Variants in OR13A1 observed in about 807,000 individuals in gnomAD.
The protein encoded by OR13A1 is olfactory receptor family 13 subfamily A member 1, also known as olfactory receptor 13A1.
A neutral mutation model predicts 7.5 loss-of-function variants in OR13A1; 10 were observed. The ratio of observed to expected loss-of-function variants is 1.34; its 90% CI spans 0.83 to 2.27. The LOEUF (loss-of-function observed/expected upper bound fraction) is 2.27. Among genes scored for constraint, OR13A1 ranks in the 30% most tolerant of loss-of-function variants. The pLI, the probability that OR13A1 is intolerant of heterozygous loss-of-function variation, is 0.00. For missense variants in OR13A1, 509 were observed against 419.1 expected (o/e 1.21, Z -1.87); for synonymous variants, 238 against 177.9 (o/e 1.34, Z -2.69).
intron 1 of OR13A1, among the ~76,000 whole-genome samples, chr10:45,310,403 T>A (rs983644401): frequency 6.6e-6 from 1 of 152,102 alleles, no homozygotes; most frequent in Non-Finnish European, 1.5e-5. Flanking sequence ...CTCTTTACCA[T>A]AAAAGTTGCC....
At chr10:45,307,336 C>A (rs1295631916) in intron 3 of OR13A1, 90 bp downstream of exon 3, 2 of 152,360 alleles carry the variant, frequency 1.3e-5, no homozygotes, top group Admixed American at 1.3e-4. Flanking sequence ...CTCTGCAATA[C>A]AAATGGATGT....
In OR13A1 at chr10:45,303,311, T is replaced by C; in HGVS notation, c.*125A>G. The C allele has an allele frequency of 2.9e-6, 3 of 1,018,550 alleles. No individual in the cohort carries two copies. The South Asian group carries it at 4.9e-5, about 17-fold the overall frequency. 63.1% of individuals were successfully genotyped at this position (1,018,550 alleles called of 1,614,324 possible). The stretch of plus-strand genomic sequence containing the variant: ...GTCTCAGGGAACCAGCACTCCCAGC[T>C]CATCCATGCACAGGTTCTGCTGGGT... On this transcript the variant is annotated 3_prime_UTR_variant, in exon 4 of 4. Transcript: ENST00000553795.
chr10:45,303,657 A>G lies in OR13A1; in HGVS notation c.766T>C (p.Phe256Leu), dbSNP rs1481577449. 1 of 1,614,212 alleles carries G rather than the reference A, an allele frequency of 6.2e-7. No individual in the cohort carries two copies. Among genetic ancestry groups the G allele is most frequent in the Non-Finnish European group, 8.5e-7 (1 of 1,180,030 alleles). Residue 256 changes from phenylalanine to leucine, a missense_variant, in exon 4 of 4, where the codon TTC becomes CTC. Phe to Leu is a conservative substitution (Grantham distance 22). Transcript: ENST00000553795. ...VKTAWGRQKA[F>L]STCSSHLTVV... The stretch of plus-strand genomic sequence containing the variant: ...GTGAGGTGGGAAGAGCAGGTGGAGA[A>G]GGCTTTCTGCCTCCCCCAGGCAGTC...
rs769870203 is a variant in OR13A1 at position 45,303,339 on chromosome 10, G to GA, written c.*96dup. On this transcript the variant is annotated 3_prime_UTR_variant, in exon 4 of 4. Transcript: ENST00000553795. ...TCCATGCACAGGTTCTGCTGGGTTA[G>GA]AAAAAACAAGTCTATTTACCTCCCA... 3.6e-5 allele frequency: 48 copies of GA among 1,325,796 alleles called. No individual in the cohort carries two copies. Among genetic ancestry groups the GA allele is most frequent in the Non-Finnish European group, 5.0e-5 (48 of 963,710 alleles). 82.1% of individuals were successfully genotyped at this position (1,325,796 alleles called of 1,614,324 possible). A position where few individuals can be genotyped will look rare whatever the true frequency, so the allele number is the denominator to read the frequency against.
intron 1 of OR13A1, among the ~76,000 whole-genome samples, chr10:45,312,056 G>A (rs1158954272): frequency 6.6e-6 from 1 of 152,114 alleles, no homozygotes; most frequent in Admixed American, 6.5e-5. Flanking sequence ...TAATAAACCT[G>A]CCCAAATGAA....
At chr10:45,306,831 T>G (rs1253001430) in intron 3 of OR13A1, among the ~76,000 whole-genome samples, 1 of 152,222 alleles carries the variant, frequency 6.6e-6, no homozygotes, top group Non-Finnish European at 1.5e-5. Flanking sequence ...CTCAATAACT[T>G]GAGTGGAAGT....
At position 45,303,638 on chromosome 10, in the gene OR13A1, T is replaced by C; in HGVS notation, c.785A>G (p.His262Arg). The C allele has an allele frequency of 1.2e-6, 2 of 1,614,122 alleles. No homozygotes were observed. The highest frequency in any genetic ancestry group is 1.7e-6 in the Non-Finnish European group (2 of 1,180,012). Residue 262 changes from histidine to arginine, a missense_variant, in exon 4 of 4, where the codon CAC (histidine) becomes CGC (arginine). Physicochemically the swap from His to Arg is conservative, Grantham distance 29 (BLOSUM62 0). Coordinates refer to ENST00000553795, the MANE Select transcript of OR13A1 (RefSeq NM_001004297.3). The stretch of plus-strand genomic sequence containing the variant: ...GTAATACATGCACACCACGGTGAGG[T>C]GGGAAGAGCAGGTGGAGAAGGCTTT... The part of the protein sequence containing the change: ...RQKAFSTCSS[H>R]LTVVCMYYTA...
intron 1 of OR13A1, among the ~76,000 whole-genome samples, chr10:45,311,502 G>A (rs189382598): frequency 6.6e-6 from 1 of 152,032 alleles, no homozygotes; most frequent in African/African-American, 2.4e-5. Flanking sequence ...TTGCGACAGG[G>A]TCTTGATATA....
Position 45,303,601 on chromosome 10 carries a change from G to C in OR13A1, c.822C>G (p.Phe274Leu). ...CAGAGACCGGGCTTATGTAGGCGTAGAAGACAGCGGTGTAATACATGCACA... is the reference window on the plus strand; with the variant it reads ...CAGAGACCGGGCTTATGTAGGCGTACAAGACAGCGGTGTAATACATGCACA... ...TVVCMYYTAV[F>L]YAYISPVSGY... is the part of the protein sequence containing the mutation. Residue 274 changes from phenylalanine (F) to leucine (L), a missense_variant, in exon 4 of 4, where the codon TTC (phenylalanine) becomes TTG (leucine). Coordinates refer to ENST00000553795, the MANE Select transcript of OR13A1 (RefSeq NM_001004297.3). 3 of 1,613,890 alleles carry C rather than the reference G, an allele frequency of 1.9e-6. No homozygotes were observed. The highest frequency in any genetic ancestry group is 2.5e-6 in the Non-Finnish European group (3 of 1,179,986).
intron 1 of OR13A1, among the ~76,000 whole-genome samples, chr10:45,313,671 A>G (rs1239155005): frequency 6.6e-6 from 1 of 152,176 alleles, no homozygotes; most frequent in East Asian, 1.9e-4. Flanking sequence ...CACAAGACAA[A>G]AAAATGGATA....
At chr10:45,311,273 A>G in intron 1 of OR13A1, among the ~76,000 whole-genome samples, 1 of 152,198 alleles carries the variant, frequency 6.6e-6, no homozygotes, top group East Asian at 1.9e-4. Context: ...CTTTCCCAAC[A>G]TATTATCTTG....
intron 1 of OR13A1, among the ~76,000 whole-genome samples, chr10:45,314,505 AC>A (rs1457174448): frequency 5.9e-5 from 9 of 151,990 alleles, no homozygotes; most frequent in African/African-American, 2.2e-4. Context: ...ACCTCAGGAA[AC>A]TAGGAGAGAA....
chr10:45,304,936 A>C (rs1838296009), intron 3 of OR13A1, among the ~76,000 whole-genome samples: 1 of 152,180 alleles, frequency 6.6e-6, no homozygotes, highest in Admixed American at 6.5e-5. Context: ...TAATTATCAA[A>C]GTAATGCTTT....
intron 1 of OR13A1, among the ~76,000 whole-genome samples, chr10:45,308,324 T>A (rs1335073596): frequency 6.6e-6 from 1 of 152,240 alleles, no homozygotes; most frequent in Non-Finnish European, 1.5e-5. Context: ...ACACAGCTAG[T>A]ATCTAGGCTC....
chr10:45,303,084 A>G lies in OR13A1; in HGVS notation c.*352T>C. The stretch of plus-strand genomic sequence containing the variant: ...ACAGCTGAATTCTAGGTGTGATTTT[A>G]GAATTTACACCCTGAGTGTTGTACA... On this transcript the variant is annotated 3_prime_UTR_variant, in exon 4 of 4. Coordinates refer to ENST00000553795, the MANE Select transcript of OR13A1 (RefSeq NM_001004297.3). 1 of 189,114 alleles carries G rather than the reference A, an allele frequency of 5.3e-6. No individual in the cohort carries two copies. The highest frequency in any genetic ancestry group is 1.1e-5 in the Non-Finnish European group (1 of 92,254). 11.7% of individuals were successfully genotyped at this position (189,114 alleles called of 1,614,324 possible).
At position 45,304,054 on chromosome 10, in the gene OR13A1, C is replaced by G; in HGVS notation, c.369G>C (p.Thr123=). 1 of 1,613,480 alleles carries G rather than the reference C, an allele frequency of 6.2e-7. No homozygotes were observed. The highest frequency in any genetic ancestry group is 8.5e-7 in the Non-Finnish European group (1 of 1,179,622). The change falls in exon 4 of 4, where the codon ACG becomes ACC. Residue 123 remains threonine, a synonymous_variant. Coordinates refer to ENST00000553795, the MANE Select transcript of OR13A1 (RefSeq NM_001004297.3). The part of the protein sequence containing the change: ...GGCMAQLYFL[T]WAASSELLLL... ...GCAGCAGCTCTGAGGATGCAGCCCACGTGAGGAAATAGAGCTGGGCCATGC... is the reference window on the plus strand; with the variant it reads ...GCAGCAGCTCTGAGGATGCAGCCCAGGTGAGGAAATAGAGCTGGGCCATGC...
At chr10:45,308,172 C>A (rs1389817816) in intron 1 of OR13A1, among the ~76,000 whole-genome samples, 1 of 152,126 alleles carries the variant, frequency 6.6e-6, no homozygotes, top group Non-Finnish European at 1.5e-5. Flanking sequence ...GAACAGAAAA[C>A]TAAAAATCAG....
At position 45,303,790 on chromosome 10, in the gene OR13A1, G is replaced by C; in HGVS notation, c.633C>G (p.Tyr211Ter). The C allele has an allele frequency of 1.2e-6, 2 of 1,613,898 alleles. No homozygotes were observed. The highest frequency in any genetic ancestry group is 1.7e-6 in the Non-Finnish European group (2 of 1,180,050). Reference sequence around the variant, plus strand: ...CCAGGACAATCATGACACCGTTGACGTAGGTGGAGCTGCAGGAGAGAAGCA... The same window carrying C: ...CCAGGACAATCATGACACCGTTGACCTAGGTGGAGCTGCAGGAGAGAAGCA... The part of the protein sequence containing the change: ...PLLLLSCSST[Y>*]VNGVMIVLAD... Residue 211 changes from tyrosine to a stop codon, truncating the protein, a stop_gained, in exon 4 of 4, where the codon TAC becomes TAG. Coordinates refer to ENST00000553795, the MANE Select transcript of OR13A1 (RefSeq NM_001004297.3). LOFTEE classifies it low-confidence loss of function (END_TRUNC).
At chr10:45,306,194 C>T (rs1185019648) in intron 3 of OR13A1, among the ~76,000 whole-genome samples, 2 of 152,148 alleles carry the variant, frequency 1.3e-5, no homozygotes, top group Non-Finnish European at 2.9e-5. Context: ...GTGACTCACG[C>T]CTGTAATCCC....
Sources: allele counts gnomAD v4.1 joint callset (sites outside exome capture counted in the v4.1 genomes callset), GRCh38; gene constraint gnomAD v4.1.1; transcripts MANE v1.5; gene names NCBI Gene and HGNC (gene_info 2026-07-23, HGNC 2026-07-21).